SMARCD3: variants seen among roughly 807,000 people sequenced by gnomAD.
SMARCD3 encodes SWI/SNF related BAF chromatin remodeling complex subunit D3.
In SMARCD3, 14 loss-of-function variants were observed where a neutral mutation model predicts 58.0. The ratio of observed to expected loss-of-function variants is 0.24; its 90% CI spans 0.16 to 0.38. The LOEUF is 0.38. Ranked by LOEUF, SMARCD3 falls within the 10% of genes least tolerant of loss-of-function variation. The probability of loss-of-function intolerance (pLI) is 1.00; values close to 1 mark genes in which losing one functional copy is unlikely to be tolerated. For missense variants in SMARCD3, 408 were observed against 636.9 expected (o/e 0.64, Z 3.87); for synonymous variants, 253 against 253.8 (o/e 1.00, Z 0.03).
intron 2 of SMARCD3, among the ~76,000 whole-genome samples, chr7:151,259,981 C>A (rs1467522908): frequency 6.6e-6 from 1 of 152,174 alleles, no homozygotes; most frequent in Admixed American, 6.5e-5. Context: ...CCAAGCACTT[C>A]CACACACAGT....
rs1254891791 is a variant in SMARCD3, at chr7:151,239,817, T to C, written c.1174-71A>G. On this transcript the variant is annotated intron_variant, in intron 10 of 12. Transcript: ENST00000262188. This position sits in a 1 kb window ranked among gnomAD's most constrained non-coding sequence, Gnocchi z 7.0. The stretch of plus-strand genomic sequence containing the variant: ...GGGAGACGAGGGGAAAGGAAGCGGG[T>C]GGGAAGGGGAGGGAGAGGGGGTTTC... 2.1e-6 allele frequency: 3 copies of C among 1,397,038 alleles called. No individual in the cohort carries two copies. The highest frequency in any genetic ancestry group is 1.7e-5 in the Admixed American group (1 of 58,816). 86.5% of individuals were successfully genotyped at this position (1,397,038 alleles called of 1,614,324 possible).
At position 151,242,718 on chromosome 7, in the gene SMARCD3, C is replaced by CACCTTCAT; in HGVS notation, c.451_456+2dup. ...TCCCCTTCCTACCCCCGAACTAAGG[C>CACCTTCAT]ACCTTCATGGGCCTCTTCAGAGCCT... On this transcript the variant is annotated splice_region_variant and intron_variant, in intron 4 of 12. Coordinates refer to ENST00000262188, the MANE Select transcript of SMARCD3 (RefSeq NM_001003801.2). The surrounding 1 kb of genome is among the most constrained non-coding windows in gnomAD (Gnocchi z 4.7). 1.2e-6 allele frequency: 2 copies of CACCTTCAT among 1,614,094 alleles called. No homozygotes were observed. Among genetic ancestry groups the CACCTTCAT allele is most frequent in the Non-Finnish European group, 1.7e-6 (2 of 1,179,976 alleles).
At chr7:151,248,780 T>C (rs1401731254), upstream of SMARCD3, 10 of 812,396 alleles carry the variant, frequency 1.2e-5, no homozygotes, top group Admixed American at 5.4e-5. This position sits in a 1 kb window ranked among gnomAD's most constrained non-coding sequence, Gnocchi z 6.1. Context: ...CCGCCGCGGC[T>C]GCCGCATTCC....
upstream of SMARCD3, among the ~76,000 whole-genome samples, chr7:151,249,168 G>A (rs71539873): frequency 7.9e-3 from 1,195 of 152,116 alleles, 7 homozygotes; most frequent in Non-Finnish European, 0.014. This position sits in a 1 kb window ranked among gnomAD's most constrained non-coding sequence, Gnocchi z 4.8. Flanking sequence ...GGCCGAGCAG[G>A]GAAACATTCG....
intron 2 of SMARCD3, among the ~76,000 whole-genome samples, chr7:151,261,322 A>G (rs1803910776): frequency 6.6e-6 from 1 of 152,138 alleles, no homozygotes; most frequent in Admixed American, 6.5e-5. Flanking sequence ...GTGGCAAACA[A>G]AGTATCTCTA....
In SMARCD3 at chr7:151,242,301, G is replaced by A; in HGVS notation, c.580-69C>T. 6.9e-7 allele frequency: 1 copy of A among 1,452,510 alleles called. No homozygotes were observed. Among genetic ancestry groups the A allele is most frequent in the Middle Eastern group, 1.7e-4 (1 of 5,720 alleles). 90.0% of individuals were successfully genotyped at this position (1,452,510 alleles called of 1,614,324 possible). A position where few individuals can be genotyped will look rare whatever the true frequency, so the allele number is the denominator to read the frequency against. The stretch of plus-strand genomic sequence containing the variant: ...GGTGGGAGGAGCAGAAGGAGGCCAA[G>A]TTGGCAGCCGACAGGGCAGTGGGCT... On this transcript the variant is annotated intron_variant, in intron 5 of 12. Transcript: ENST00000262188. The surrounding 1 kb of genome is among the most constrained non-coding windows in gnomAD (Gnocchi z 4.7).
rs749873182 is a variant in SMARCD3 at position 151,243,621 on chromosome 7, TG to T, written c.333+37del. 4.1e-5 allele frequency: 39 copies of T among 944,282 alleles called. No homozygotes were observed. Among genetic ancestry groups the T allele is most frequent in the Middle Eastern group, 6.5e-4 (2 of 3,100 alleles). 58.5% of individuals were successfully genotyped at this position (944,282 alleles called of 1,614,324 possible). A position where few individuals can be genotyped will look rare whatever the true frequency, so the allele number is the denominator to read the frequency against. On this transcript the variant is annotated intron_variant, in intron 3 of 12. Coordinates refer to ENST00000262188, the MANE Select transcript of SMARCD3 (RefSeq NM_001003801.2). The surrounding 1 kb of genome is among the most constrained non-coding windows in gnomAD (Gnocchi z 4.4). ...GAGGGGAGGGCGGAGCAGCAAAGGG[TG>T]GGGGGTGGGCTGGGGGCTGCTGTGA...
At chr7:151,255,790 C>T (rs189575573) in intron 2 of SMARCD3, among the ~76,000 whole-genome samples, 1 of 152,284 alleles carries the variant, frequency 6.6e-6, no homozygotes, top group Admixed American at 6.5e-5. Context: ...GCACCCCTCC[C>T]CACAGCTACC....
chr7:151,267,074 G>A (rs545903072), intron 2 of SMARCD3, among the ~76,000 whole-genome samples: 5 of 152,044 alleles, frequency 3.3e-5, no homozygotes, highest in Admixed American at 1.3e-4. Flanking sequence ...CCCACTCCCC[G>A]TCCTGCCAAG....
At chr7:151,263,052 G>A (rs929101224) in intron 2 of SMARCD3, among the ~76,000 whole-genome samples, 4 of 152,116 alleles carry the variant, frequency 2.6e-5, no homozygotes, top group South Asian at 2.1e-4. Flanking sequence ...CCTACCTTGC[G>A]AGTAAAATCC....
At chr7:151,259,603 T>TTTTTTTTG (rs1803841662) in intron 2 of SMARCD3, among the ~76,000 whole-genome samples, 2 of 91,556 alleles carry the variant, frequency 2.2e-5, no homozygotes, top group African/African-American at 1.3e-4. Context: ...ACCTGAGAGT[T>TTTTTTTTG]TTTTTTTTTT....
In SMARCD3 at chr7:151,242,071, G is replaced by T. The variant is rs1312427525; in HGVS notation, c.675+66C>A. 10 of 1,534,180 alleles carry T rather than the reference G, an allele frequency of 6.5e-6. No individual in the cohort carries two copies. The highest frequency in any genetic ancestry group is 9.0e-6 in the Non-Finnish European group (10 of 1,107,594). On this transcript the variant is annotated intron_variant, in intron 6 of 12. Transcript: ENST00000262188. The surrounding 1 kb of genome is among the most constrained non-coding windows in gnomAD (Gnocchi z 4.7). ...GTGGTCCCTGACCCAAATCTGTGCT[G>T]GTTCTTCAGGGATTCTGGCCTGTGG...
At chr7:151,254,632 G>A (rs1357541310) in intron 2 of SMARCD3, among the ~76,000 whole-genome samples, 1 of 152,158 alleles carries the variant, frequency 6.6e-6, no homozygotes, top group Non-Finnish European at 1.5e-5. Flanking sequence ...TGTTCCCCAG[G>A]CCCCAGCCCT....
chr7:151,269,710 C>T (rs1795103330), intron 2 of SMARCD3, among the ~76,000 whole-genome samples: 1 of 152,070 alleles, frequency 6.6e-6, no homozygotes, highest in South Asian at 2.1e-4. Context: ...CTCTGGGGTC[C>T]ACAGATGACA....
At chr7:151,264,570 GGGAGTTCCTCT>G (rs1584893434) in intron 2 of SMARCD3, among the ~76,000 whole-genome samples, 1 of 152,144 alleles carries the variant, frequency 6.6e-6, no homozygotes, top group African/African-American at 2.4e-5. Flanking sequence ...TAGGAACTGT[GGGAGTTCCTCT>G]GGAGGACGGA....
rs894597745 is a variant in SMARCD3 at position 151,242,624 on chromosome 7, A to T, written c.457-21T>A. 2.5e-6 allele frequency: 4 copies of T among 1,612,196 alleles called. No individual in the cohort carries two copies. In the African/African-American group the frequency reaches 5.3e-5, roughly 22 times the overall value. ...TTTTGCTGTAGAAATAGAGTGCAGA[A>T]CCGGGCGAATGCTGTGTGCTCCCAC... On this transcript the variant is annotated intron_variant, in intron 4 of 12. Transcript: ENST00000262188. The surrounding 1 kb of genome is among the most constrained non-coding windows in gnomAD (Gnocchi z 4.7).
Position 151,243,597 on chromosome 7 carries a change from AGGGGAGGGCGGAGCAGCAAAGGGTGGG to A in SMARCD3, c.333+35_333+61del. 1 of 820,816 alleles carries A rather than the reference AGGGGAGGGCGGAGCAGCAAAGGGTGGG, an allele frequency of 1.2e-6. No individual in the cohort carries two copies. The highest frequency in any genetic ancestry group is 1.4e-5 in the South Asian group (1 of 70,840). The allele number at this position is 820,816 out of a possible 1,614,324, so 50.8% of individuals were successfully genotyped here. On this transcript the variant is annotated intron_variant, in intron 3 of 12. Transcript: ENST00000262188. The surrounding 1 kb of genome is among the most constrained non-coding windows in gnomAD (Gnocchi z 4.4). ...GCTGAAGCTCTGCTTCTGAGGGGGG[AGGGGAGGGCGGAGCAGCAAAGGGTGGG>A]GGGTGGGCTGGGGGCTGCTGTGAAA...
chr7:151,270,160 G>C (rs1337227521), intron 2 of SMARCD3, among the ~76,000 whole-genome samples: 1 of 152,166 alleles, frequency 6.6e-6, no homozygotes, highest in Non-Finnish European at 1.5e-5. Flanking sequence ...AGGTCAGAGG[G>C]AGTGACATTC....
intron 2 of SMARCD3, among the ~76,000 whole-genome samples, chr7:151,244,383 C>T (rs1418575089): frequency 2.6e-5 from 4 of 152,160 alleles, no homozygotes; most frequent in Non-Finnish European, 5.9e-5. Flanking sequence ...GATGTGGGCT[C>T]TTTCTGACCC....
Sources: allele counts gnomAD v4.1 joint callset (sites outside exome capture counted in the v4.1 genomes callset), GRCh38; gene constraint gnomAD v4.1.1; non-coding constraint Gnocchi (gnomAD v3.1); transcripts MANE v1.5; gene names NCBI Gene and HGNC (gene_info 2026-07-23, HGNC 2026-07-21).